The following PTGES3L variants were observed in gnomAD, a reference collection of about 807,000 sequenced individuals.
PTGES3L encodes putative protein PTGES3L.
PTGES3L carries 17 observed loss-of-function variants against 25.0 expected under a neutral mutation model. The ratio of observed to expected loss-of-function variants is 0.68; its 90% confidence interval spans 0.47 to 1.02. The LOEUF (loss-of-function observed/expected upper bound fraction) is 1.02, where lower values mean the gene tolerates loss of function less well. PTGES3L is among the 50% of genes least tolerant of loss of function. The probability of loss-of-function intolerance (pLI) is 0.00; values close to 1 mark genes in which losing one functional copy is unlikely to be tolerated. For missense variants in PTGES3L, 202 were observed against 197.5 expected (o/e 1.02, Z -0.14); for synonymous variants, 59 against 65.7 (o/e 0.90, Z 0.50).
chr17:42,978,077 C>CAA lies in PTGES3L; in HGVS notation c.288+1091_288+1092dup, dbSNP rs368420097. On this transcript the variant is annotated intron_variant, in intron 4 of 6. Transcript: ENST00000591916. ...GGGCAACAAGAGCGAAACTCCGAAT[C>CAA]AAAAAAAAAAAAAAAAAAAAAAACA... Among the ~76,000 whole-genome samples, 424 of 47,390 alleles carry CAA rather than the reference C, an allele frequency of 8.9e-3. 58 individuals are homozygous for CAA. The highest frequency in any genetic ancestry group is 0.028 in the African/African-American group (268 of 9,728). 31.1% of individuals were successfully genotyped at this position (47,390 alleles called of 152,430 possible).
chr17:42,977,552 C>T (rs1288676633), intron 4 of PTGES3L, among the ~76,000 whole-genome samples: 7 of 143,000 alleles, frequency 4.9e-5, no homozygotes, highest in African/African-American at 7.8e-5. Context: ...TGCAGTGAGC[C>T]GAGATGGCGC....
At chr17:42,974,559 C>T (rs534688871) in intron 4 of PTGES3L, among the ~76,000 whole-genome samples, 19 of 150,512 alleles carry the variant, frequency 1.3e-4, no homozygotes, top group African/African-American at 3.9e-4. Flanking sequence ...GATCACTTGA[C>T]GTCAGGAGTT....
chr17:42,978,091 A>AAAC (rs1464865756), intron 4 of PTGES3L, among the ~76,000 whole-genome samples: 1 of 149,632 alleles, frequency 6.7e-6, no homozygotes, highest in African/African-American at 2.5e-5. Flanking sequence ...AAAAAAAAAA[A>AAAC]AAAAAAAAAC....
At position 42,979,439 on chromosome 17, in the gene PTGES3L, T is replaced by C. The variant is rs763348200; in HGVS notation, c.128A>G (p.Lys43Arg). 5.0e-6 allele frequency: 8 copies of C among 1,614,188 alleles called. No individual in the cohort carries two copies. Among genetic ancestry groups the C allele is most frequent in the South Asian group, 2.2e-5 (2 of 91,084 alleles). The change falls in exon 3 of 7, where the codon AAG becomes AGG. Residue 43 changes from lysine (K) to arginine (R), a missense_variant. Transcript: ENST00000591916. ...GTACAACTCCACTCCATCGGCATTC[T>C]TGCAGCTGAGGAGACAATGAAGCTG... is the stretch of plus-strand genomic sequence containing the variant. The part of the protein sequence containing the change: ...IEDHRIVFSC[K>R]NADGVELYNE...
intron 4 of PTGES3L, among the ~76,000 whole-genome samples, chr17:42,972,544 C>T (rs1160503482): frequency 6.6e-6 from 1 of 152,172 alleles, no homozygotes; most frequent in Non-Finnish European, 1.5e-5. Flanking sequence ...GGCCGGTCTC[C>T]AGCCCCTAAC....
At chr17:42,969,308 C>T in intron 6 of PTGES3L, 122 bp from the exon 7 acceptor site, 1 of 556,898 alleles carries the variant, frequency 1.8e-6, no homozygotes, top group South Asian at 3.8e-5. Flanking sequence ...TTTCCTAAAC[C>T]ACCCAACTTA....
chr17:42,979,041 C>A lies in PTGES3L; in HGVS notation c.288+129G>T. 3 of 925,456 alleles carry A rather than the reference C, an allele frequency of 3.2e-6. 1 individual carries two copies. The South Asian group carries it at 4.3e-5, about 13-fold the overall frequency. The allele number at this position is 925,456 out of a possible 1,614,324, so 57.3% of individuals were successfully genotyped here. ...ATAAAAATAAAAAGAGAGACTAATACAGTTGGAAAAAAAAGATTAGGCAGG... is the reference window on the plus strand; with the variant it reads ...ATAAAAATAAAAAGAGAGACTAATAAAGTTGGAAAAAAAAGATTAGGCAGG... On this transcript the variant is annotated intron_variant, in intron 4 of 6. Coordinates refer to ENST00000591916, the MANE Select transcript of PTGES3L (RefSeq NM_001261430.2).
Position 42,970,270 on chromosome 17 carries a change from A to AT in PTGES3L, c.432+18_432+19insA, listed in dbSNP as rs2049808337. ...GGGCTACAAAGAAACTGAAGGGTTG[A>AT]GGGGAAGGCTTTACTTACATCCAAA... On this transcript the variant is annotated intron_variant, in intron 6 of 6. Transcript: ENST00000591916. The AT allele has an allele frequency of 1.2e-6, 2 of 1,613,704 alleles. No homozygotes were observed. Among genetic ancestry groups the AT allele is most frequent in the Non-Finnish European group, 1.7e-6 (2 of 1,179,814 alleles).
At position 42,968,784 on chromosome 17, in the gene PTGES3L, T is replaced by C. The variant is rs1211715350; in HGVS notation, c.*364A>G. On this transcript the variant is annotated 3_prime_UTR_variant, in exon 7 of 7. Transcript: ENST00000591916. ...TTCTTTGGCTTTTTGCTTTGCCCCA[T>C]ATGCACACATAGTAGAGATTTCTAT... is the stretch of plus-strand genomic sequence containing the variant. The C allele has an allele frequency of 4.9e-6, 1 of 203,960 alleles. No individual in the cohort carries two copies. The highest frequency in any genetic ancestry group is 2.3e-5 in the African/African-American group (1 of 43,420). 12.6% of individuals were successfully genotyped at this position (203,960 alleles called of 1,614,324 possible).
chr17:42,979,823 G>C (rs1309462386), intron 1 of PTGES3L, 160 bp from the exon 2 acceptor site: 1 of 1,407,670 alleles, frequency 7.1e-7, no homozygotes, highest in Non-Finnish European at 9.5e-7. Context: ...GGAGTGGGTG[G>C]GTGTGGTGAA....
chr17:42,972,601 G>C (rs1343867234), intron 4 of PTGES3L, among the ~76,000 whole-genome samples: 1 of 152,158 alleles, frequency 6.6e-6, no homozygotes, highest in African/African-American at 2.4e-5. Context: ...CGGGATTGCA[G>C]ACGGAGTCTC....
At chr17:42,972,300 TCTCTC>T in intron 4 of PTGES3L, 1 of 3,316 alleles carries the variant, frequency 3.0e-4, no homozygotes, top group East Asian at 0.05. Flanking sequence ...CATTATGCCC[TCTCTC>T]TCTCCCTCTC....
intron 4 of PTGES3L, among the ~76,000 whole-genome samples, chr17:42,972,485 G>T (rs1165569132): frequency 6.6e-6 from 1 of 152,126 alleles, no homozygotes; most frequent in East Asian, 1.9e-4. Flanking sequence ...GGCACGCACC[G>T]CCACGCCTGA....
At chr17:42,971,284 C>CCACACACACACACACA (rs56818030) in intron 5 of PTGES3L, among the ~76,000 whole-genome samples, 1 of 149,504 alleles carries the variant, frequency 6.7e-6, no homozygotes, top group Non-Finnish European at 1.5e-5. Flanking sequence ...CGACAGAAAA[C>CCACACACACACACACA]CACACACACA....
At position 42,973,471 on chromosome 17, in the gene PTGES3L, C is replaced by T. The variant is rs1291600243; in HGVS notation, c.289-1775G>A. 3.3e-5 allele frequency among the ~76,000 whole-genome samples: 5 copies of T among 151,928 alleles called. No homozygotes were observed. In the South Asian group the frequency reaches 1.0e-3, roughly 32 times the overall value. ...GGAAGTGAGGAGCCCCTCTGCCTGG[C>T]CACCACCCCGTCTGGGAGGTGTGCC... On this transcript the variant is annotated intron_variant, in intron 4 of 6. Coordinates refer to ENST00000591916, the MANE Select transcript of PTGES3L (RefSeq NM_001261430.2).
chr17:42,970,090 G>A (rs2049804449), intron 6 of PTGES3L, among the ~76,000 whole-genome samples, 199 bp downstream of exon 6: 1 of 152,142 alleles, frequency 6.6e-6, no homozygotes, highest in African/African-American at 2.4e-5. Flanking sequence ...TCGGGCCACT[G>A]CACTCCAACC....
Position 42,969,925 on chromosome 17 carries a change from G to A in PTGES3L, c.432+364C>T, listed in dbSNP as rs995682853. ...GTGGATCACCTCAGGCCAGGAGTTCGAGACCAGCCTGGCTAACATGGCAAA... is the reference window on the plus strand; with the variant it reads ...GTGGATCACCTCAGGCCAGGAGTTCAAGACCAGCCTGGCTAACATGGCAAA... On this transcript the variant is annotated intron_variant, in intron 6 of 6. Coordinates refer to ENST00000591916, the MANE Select transcript of PTGES3L (RefSeq NM_001261430.2). Among the ~76,000 whole-genome samples the A allele has an allele frequency of 8.6e-5, 13 of 151,402 alleles. No individual in the cohort carries two copies. The South Asian group carries it at 1.3e-3, about 15-fold the overall frequency.
At chr17:42,972,854 C>G (rs1046363901) in intron 4 of PTGES3L, among the ~76,000 whole-genome samples, 1 of 148,582 alleles carries the variant, frequency 6.7e-6, no homozygotes, top group Admixed American at 6.7e-5. Context: ...TCCGCCCGGC[C>G]GCCATCCCAT....
intron 4 of PTGES3L, among the ~76,000 whole-genome samples, chr17:42,976,107 C>T (rs1260939115): frequency 2.0e-5 from 3 of 151,888 alleles, no homozygotes; most frequent in East Asian, 1.9e-4. Flanking sequence ...CTCAGCCTCC[C>T]GAGTAGCTGG....
Sources: allele counts gnomAD v4.1 joint callset (sites outside exome capture counted in the v4.1 genomes callset), GRCh38; gene constraint gnomAD v4.1.1; transcripts MANE v1.5; gene names NCBI Gene and HGNC (gene_info 2026-07-23, HGNC 2026-07-21).